The following CLPB variants were observed in gnomAD, a reference collection of about 807,000 sequenced individuals.
The protein encoded by CLPB is mitochondrial disaggregase.
CLPB carries 40 observed loss-of-function variants against 78.4 expected under a neutral mutation model. The ratio of observed to expected loss-of-function variants is 0.51; its 90% CI spans 0.40 to 0.66. The LOEUF (loss-of-function observed/expected upper bound fraction) is 0.66, where lower values mean the gene tolerates loss of function less well. Among genes scored for constraint, CLPB ranks in the 30% least tolerant of loss-of-function variants. CLPB has a pLI of 0.00. For missense variants in CLPB, 780 were observed against 886.9 expected (o/e 0.88, Z 1.53); for synonymous variants, 333 against 348.0 (o/e 0.96, Z 0.48).
chr11:72,395,926 G>T (rs983865035), intron 3 of CLPB, among the ~76,000 whole-genome samples: 6 of 152,184 alleles, frequency 3.9e-5, no homozygotes, highest in Non-Finnish European at 5.9e-5. Context: ...AACACCCATG[G>T]AGCTGTTGGG....
rs575095134 is a variant in CLPB, at chr11:72,390,506, C to A, written c.543-10122G>T. On this transcript the variant is annotated intron_variant, in intron 3 of 15. Coordinates refer to ENST00000538039, the MANE Select transcript of CLPB (RefSeq NM_001258392.3). ...AAAAGAAGGCCCAACAAAAATGAGG[C>A]AAAGATATCAACAGCCAATTCCTAG... Among the ~76,000 whole-genome samples, 3 of 149,146 alleles carry A rather than the reference C, an allele frequency of 2.0e-5. No individual in the cohort carries two copies. The East Asian group carries it at 5.9e-4, about 29-fold the overall frequency.
chr11:72,340,587 A>G (rs1289159465), intron 5 of CLPB, among the ~76,000 whole-genome samples: 1 of 152,188 alleles, frequency 6.6e-6, no homozygotes, highest in Non-Finnish European at 1.5e-5. Flanking sequence ...CAATGGGTAG[A>G]ATGCTGATTC....
intron 2 of CLPB, among the ~76,000 whole-genome samples, chr11:72,407,269 ACCCTT>A (rs953160149): frequency 1.3e-5 from 2 of 152,046 alleles, no homozygotes; most frequent in African/African-American, 4.8e-5. Context: ...TGCCCCACTG[ACCCTT>A]CCACAAGCAG....
intron 5 of CLPB, among the ~76,000 whole-genome samples, chr11:72,336,055 TCCTAGGGAGAGTGCTGAATCCCA>T (rs1950316233): frequency 6.6e-6 from 1 of 151,834 alleles, no homozygotes; most frequent in South Asian, 2.1e-4. Context: ...CACCTGCCTT[TCCTAGGGAGAGTGCTGAATCCCA>T]CCTAGGGAGG....
intron 5 of CLPB, among the ~76,000 whole-genome samples, chr11:72,344,082 A>T (rs1950468044): frequency 6.6e-6 from 1 of 152,186 alleles, no homozygotes; most frequent in Admixed American, 6.5e-5. Context: ...GCACAGATGA[A>T]GTTGTGCTGA....
chr11:72,313,310 G>A (rs183187711), intron 7 of CLPB, among the ~76,000 whole-genome samples: 1 of 152,310 alleles, frequency 6.6e-6, no homozygotes. Flanking sequence ...AGTGGATACT[G>A]ATGCCTTGGG....
intron 5 of CLPB, among the ~76,000 whole-genome samples, chr11:72,330,762 C>T (rs1240372780): frequency 6.6e-6 from 1 of 152,150 alleles, no homozygotes; most frequent in African/African-American, 2.4e-5. Flanking sequence ...GCTTTGTACA[C>T]AGCAGATGCT....
chr11:72,382,623 G>A (rs1414923144), intron 3 of CLPB, among the ~76,000 whole-genome samples: 1 of 152,176 alleles, frequency 6.6e-6, no homozygotes, highest in Non-Finnish European at 1.5e-5. Context: ...CAGGTACCAG[G>A]CCAGCCTGCC....
Position 72,288,074 on chromosome 11 carries a change from A to G in CLPB, c.*5293T>C, listed in dbSNP as rs577549262. 4.0e-5 allele frequency: 6 copies of G among 151,868 alleles called. No individual in the cohort carries two copies. The highest frequency in any genetic ancestry group is 1.4e-4 in the African/African-American group (6 of 41,380). 9.4% of individuals were successfully genotyped at this position (151,868 alleles called of 1,614,324 possible). A position where few individuals can be genotyped will look rare whatever the true frequency, so the allele number is the denominator to read the frequency against. On this transcript the variant is annotated 3_prime_UTR_variant, in exon 16 of 16. Transcript: ENST00000538039. Reference sequence around the variant, plus strand: ...TCTTTCTTGTTTTTCTTCTTTCACTATATTGAGGAATTTCCCTAAATTTTA... The same window carrying G: ...TCTTTCTTGTTTTTCTTCTTTCACTGTATTGAGGAATTTCCCTAAATTTTA...
At chr11:72,412,197 C>A (rs1040179224) in intron 2 of CLPB, 1 of 152,332 alleles carries the variant, frequency 6.6e-6, no homozygotes, top group Non-Finnish European at 1.5e-5. Context: ...TCTCCAGCAA[C>A]TTCTGCATTT....
intron 4 of CLPB, among the ~76,000 whole-genome samples, chr11:72,369,995 T>G (rs151113857): frequency 2.0e-5 from 3 of 152,302 alleles, no homozygotes; most frequent in Admixed American, 6.5e-5. Context: ...CAGTGAGAGA[T>G]AATCATCGGA....
chr11:72,400,206 C>A (rs1386555032), intron 3 of CLPB, among the ~76,000 whole-genome samples: 2 of 151,760 alleles, frequency 1.3e-5, no homozygotes, highest in East Asian at 3.9e-4. Context: ...TAGAACAGTA[C>A]CTGGCAAACA....
chr11:72,417,947 C>A (rs1384442598), intron 2 of CLPB, among the ~76,000 whole-genome samples: 1 of 152,204 alleles, frequency 6.6e-6, no homozygotes, highest in East Asian at 1.9e-4. Flanking sequence ...CACTGTCCAT[C>A]TGCAAAGGCT....
chr11:72,395,459 T>G lies in CLPB; in HGVS notation c.542+7507A>C, dbSNP rs528880414. On this transcript the variant is annotated intron_variant, in intron 3 of 15. Transcript: ENST00000538039. ...AATCCTGGCTCCTTCTTTTACTAGC[T>G]GGACAACCTTGGACAACTCTGAGCT... Among the ~76,000 whole-genome samples, 11 of 152,334 alleles carry G rather than the reference T, an allele frequency of 7.2e-5. 1 individual carries two copies. The South Asian group carries it at 2.3e-3, about 32-fold the overall frequency.
chr11:72,401,515 G>A (rs1855560909), intron 3 of CLPB, among the ~76,000 whole-genome samples: 1 of 152,158 alleles, frequency 6.6e-6, no homozygotes, highest in Admixed American at 6.5e-5. Flanking sequence ...GAGCAAATCA[G>A]GAAACCGAGT....
chr11:72,380,812 T>C (rs1590872064), intron 3 of CLPB, among the ~76,000 whole-genome samples: 1 of 152,344 alleles, frequency 6.6e-6, no homozygotes, highest in Admixed American at 6.5e-5. Flanking sequence ...ATGCCTACCA[T>C]GTTCTAGTCC....
intron 2 of CLPB, among the ~76,000 whole-genome samples, chr11:72,411,316 G>T (rs1190954402): frequency 6.6e-6 from 1 of 152,218 alleles, no homozygotes; most frequent in Admixed American, 6.5e-5. Context: ...ATGTAGGAGG[G>T]TGTGAGTGCA....
chr11:72,366,291 T>C (rs563141905), intron 4 of CLPB, among the ~76,000 whole-genome samples: 85 of 152,316 alleles, frequency 5.6e-4, no homozygotes, highest in African/African-American at 2.0e-3. Flanking sequence ...CTTGGCTCAC[T>C]GCAACTTCCG....
In CLPB at chr11:72,307,381, A is replaced by T. The variant is rs1242423845; in HGVS notation, c.1067-127T>A. 13 of 812,706 alleles carry T rather than the reference A, an allele frequency of 1.6e-5. No individual in the cohort carries two copies. In the East Asian group the frequency reaches 3.3e-4, roughly 21 times the overall value. The allele number at this position is 812,706 out of a possible 1,614,324, so 50.3% of individuals were successfully genotyped here. A position where few individuals can be genotyped will look rare whatever the true frequency, so the allele number is the denominator to read the frequency against. On this transcript the variant is annotated intron_variant, in intron 8 of 15. Coordinates refer to ENST00000538039, the MANE Select transcript of CLPB (RefSeq NM_001258392.3). Reference sequence around the variant, plus strand: ...ATGGATGAGAATGTTGAGGCGCAGAAAGGATCAGCGACTCTCCCACAGTCA... The same window carrying T: ...ATGGATGAGAATGTTGAGGCGCAGATAGGATCAGCGACTCTCCCACAGTCA...
Sources: gnomAD v4.1 joint callset for allele counts (sites outside exome capture counted in the v4.1 genomes callset) on GRCh38, gnomAD v4.1.1 for gene constraint, MANE v1.5 for transcripts, NCBI Gene and HGNC (gene_info 2026-07-23, HGNC 2026-07-21) for gene names.